SGCD: variants seen among roughly 807,000 people sequenced by gnomAD.
SGCD encodes sarcoglycan delta, also known as delta-sarcoglycan.
A neutral mutation model predicts 36.6 loss-of-function variants in SGCD; 18 were observed. That is an observed-to-expected ratio of 0.49 (90% CI 0.34 to 0.73). The LOEUF is 0.73. SGCD is among the 30% of genes least tolerant of loss of function. The pLI, the probability that SGCD is intolerant of heterozygous loss-of-function variation, is 0.01. For synonymous variants in SGCD, 133 were observed against 130.6 expected, an observed-to-expected ratio of 1.02 and a Z score of -0.12; for missense variants, 387 against 346.7, an observed-to-expected ratio of 1.12 and a Z score of -0.92.
At chr5:156,394,870 G>A (rs537677545) in intron 3 of SGCD, among the ~76,000 whole-genome samples, 1 of 152,290 alleles carries the variant, frequency 6.6e-6, no homozygotes, top group South Asian at 2.1e-4. Context: ...TGGAAGAAGA[G>A]GAAACACTGT....
intron 1 of SGCD, among the ~76,000 whole-genome samples, chr5:155,950,129 C>T (rs751055587): frequency 1.3e-5 from 2 of 152,252 alleles, no homozygotes; most frequent in South Asian, 2.1e-4. Context: ...GAAACATCTA[C>T]GAGTTTATCT....
At chr5:156,488,106 T>G (rs1042924353) in intron 3 of SGCD, among the ~76,000 whole-genome samples, 1 of 138,460 alleles carries the variant, frequency 7.2e-6, no homozygotes, top group Non-Finnish European at 1.5e-5. Context: ...AGGTTTTTTT[T>G]TTTTTTTTTT....
intron 6 of SGCD, among the ~76,000 whole-genome samples, chr5:156,606,459 T>C (rs1761459319): frequency 6.6e-6 from 1 of 152,246 alleles, no homozygotes; most frequent in Non-Finnish European, 1.5e-5. Flanking sequence ...CCTTGTAGTA[T>C]AGTTTGATGT....
intron 3 of SGCD, among the ~76,000 whole-genome samples, chr5:156,399,837 T>A (rs569852791): frequency 6.6e-6 from 1 of 152,296 alleles, no homozygotes; most frequent in Admixed American, 6.5e-5. Context: ...ATATCTAACG[T>A]CGTATTTCTG....
intron 3 of SGCD, among the ~76,000 whole-genome samples, chr5:156,498,264 A>C (rs1267564070): frequency 2.1e-5 from 3 of 145,270 alleles, no homozygotes. Flanking sequence ...TTCTCTTACA[A>C]AAAAAAAAAA....
At chr5:156,159,112 C>T (rs755568825) in intron 3 of SGCD, among the ~76,000 whole-genome samples, 6 of 151,494 alleles carry the variant, frequency 4.0e-5, no homozygotes, top group Non-Finnish European at 8.8e-5. Context: ...TCATTTCCAC[C>T]ATTATAGGAA....
chr5:155,744,478 T>G, the SGCD span, among the ~76,000 whole-genome samples: 1 of 151,706 alleles, frequency 6.6e-6, no homozygotes, highest in Non-Finnish European at 1.5e-5. Flanking sequence ...TAAAATAAAA[T>G]AAAATAAATG....
chr5:156,393,648 C>A, intron 3 of SGCD: 1 of 442,616 alleles, frequency 2.3e-6, no homozygotes, highest in Non-Finnish European at 4.6e-6. Context: ...AGTATTTACA[C>A]CACAGAAATT....
intron 3 of SGCD, among the ~76,000 whole-genome samples, chr5:156,412,878 C>G (rs961195474): frequency 5.4e-5 from 8 of 149,520 alleles, no homozygotes; most frequent in African/African-American, 1.7e-4. Flanking sequence ...TCACTGCAAG[C>G]TCTGCTTCCC....
Position 156,581,660 on chromosome 5 carries a change from T to C in SGCD, c.295-7571T>C, listed in dbSNP as rs1046252147. 2.0e-5 allele frequency among the ~76,000 whole-genome samples: 3 copies of C among 152,166 alleles called. 1 individual carries two copies. The highest frequency in any genetic ancestry group is 2.0e-4 in the Admixed American group (3 of 15,290). ...CCCCACCCCCTGCCAGGCTGCTGCC[T>C]CGCAGGTTGATCTCAGACTGCTGCG... is the stretch of plus-strand genomic sequence containing the variant. On this transcript the variant is annotated intron_variant, in intron 4 of 8. Transcript: ENST00000337851.
chr5:156,761,993 T>A lies in SGCD; in HGVS notation c.*2603T>A, dbSNP rs1757508261. The A allele has an allele frequency of 6.6e-6, 1 of 152,612 alleles. No homozygotes were observed. Among genetic ancestry groups the A allele is most frequent in the Admixed American group, 6.5e-5 (1 of 15,274 alleles). The allele number at this position is 152,612 out of a possible 1,614,324, so 9.5% of individuals were successfully genotyped here. ...TTAAATTATGCATTTTGTTCAGATTTTGGAAATTGGTATGCATTATAAGTT... is the reference window on the plus strand; with the variant it reads ...TTAAATTATGCATTTTGTTCAGATTATGGAAATTGGTATGCATTATAAGTT... On this transcript the variant is annotated 3_prime_UTR_variant, in exon 9 of 9. Coordinates refer to ENST00000337851, the MANE Select transcript of SGCD (RefSeq NM_000337.6).
At chr5:156,028,303 T>C (rs1759268487) in intron 1 of SGCD, among the ~76,000 whole-genome samples, 1 of 152,168 alleles carries the variant, frequency 6.6e-6, no homozygotes, top group Non-Finnish European at 1.5e-5. Context: ...ATCATCTGGT[T>C]TTCTTATGGT....
intron 3 of SGCD, among the ~76,000 whole-genome samples, chr5:156,410,175 T>C (rs1580947114): frequency 6.6e-6 from 1 of 152,174 alleles, no homozygotes; most frequent in Non-Finnish European, 1.5e-5. Flanking sequence ...AAAGAAAATA[T>C]GGTATATATA....
chr5:155,952,263 T>C (rs1233304357), intron 1 of SGCD, among the ~76,000 whole-genome samples: 4 of 152,146 alleles, frequency 2.6e-5, no homozygotes, highest in Non-Finnish European at 5.9e-5. Flanking sequence ...CTGACTTATA[T>C]TGTTAAGGTC....
At chr5:156,669,178 C>T (rs570075786) in intron 7 of SGCD, among the ~76,000 whole-genome samples, 7 of 152,206 alleles carry the variant, frequency 4.6e-5, no homozygotes, top group Non-Finnish European at 8.8e-5. Context: ...ATACCCAGAC[C>T]TCATGGTCTA....
In SGCD at chr5:156,338,885, G is replaced by C. The variant is rs529481544; in HGVS notation, c.4-5604G>C. Among the ~76,000 whole-genome samples, 15 of 152,174 alleles carry C rather than the reference G, an allele frequency of 9.9e-5. No homozygotes were observed. In the South Asian group the frequency reaches 2.7e-3, roughly 27 times the overall value. On this transcript the variant is annotated intron_variant, in intron 2 of 8. Coordinates refer to ENST00000337851, the MANE Select transcript of SGCD (RefSeq NM_000337.6). ...TTCTTCACAAGTCCAAGTCCAAGTC[G>C]ATCCTTGACTTCACAAGCCCAAGTC... is the stretch of plus-strand genomic sequence containing the variant.
At chr5:156,458,995 T>C (rs547034377) in intron 3 of SGCD, among the ~76,000 whole-genome samples, 1 of 152,312 alleles carries the variant, frequency 6.6e-6, no homozygotes, top group African/African-American at 2.4e-5. Flanking sequence ...TAAAGCCCTT[T>C]CAAAGAATAT....
chr5:156,442,926 A>G (rs1753560221), intron 3 of SGCD, among the ~76,000 whole-genome samples: 2 of 152,160 alleles, frequency 1.3e-5, no homozygotes, highest in Admixed American at 1.3e-4. Context: ...CGTAGCTGTG[A>G]TGGAGCAAAA....
chr5:156,558,581 A>T (rs1181896660), intron 4 of SGCD, among the ~76,000 whole-genome samples: 1 of 152,162 alleles, frequency 6.6e-6, no homozygotes, highest in East Asian at 1.9e-4. Flanking sequence ...GATGGATCAG[A>T]TGTTATTATG....
Sources: gnomAD v4.1 joint callset for allele counts (sites outside exome capture counted in the v4.1 genomes callset) on GRCh38, gnomAD v4.1.1 for gene constraint, MANE v1.5 for transcripts, NCBI Gene and HGNC (gene_info 2026-07-23, HGNC 2026-07-21) for gene names.